Variants in NCAN observed in about 807,000 individuals in gnomAD.
NCAN encodes the protein neurocan core protein.
Under a neutral mutation model 121.8 loss-of-function variants are expected in NCAN, and 47 were observed. The observed-to-expected ratio is 0.39, with a 90% CI of 0.31 to 0.49. The LOEUF (loss-of-function observed/expected upper bound fraction) is 0.49, where lower values mean the gene tolerates loss of function less well. Ranked by LOEUF, NCAN falls within the 20% of genes least tolerant of loss-of-function variation. NCAN has a pLI of 0.92. For synonymous variants in NCAN, 633 were observed against 702.0 expected, an observed-to-expected ratio of 0.90 and a Z score of 1.55; for missense variants, 1,517 against 1,773.4, an observed-to-expected ratio of 0.86 and a Z score of 2.60.
chr19:19,235,075 G>A lies in NCAN; in HGVS notation c.3229G>A (p.Gly1077Arg). ...TGTCTGCCTTTGCCTCCCCAGCTAT[G>A]GGGGCAGCTTTTGTGAGAAAGGTGA... Reference protein sequence around the residue: ...GFVCLCLPSYGGSFCEKDTEG... With the variant: ...GFVCLCLPSYRGSFCEKDTEG... Residue 1077 changes from glycine (G) to arginine (R), a missense_variant, in exon 10 of 15, where the codon GGG (glycine) becomes AGG (arginine). Gly to Arg is a moderately radical substitution (Grantham distance 125). Coordinates refer to ENST00000252575, the MANE Select transcript of NCAN (RefSeq NM_004386.3). The A allele has an allele frequency of 1.2e-6, 2 of 1,612,090 alleles. No individual in the cohort carries two copies. The highest frequency in any genetic ancestry group is 2.2e-5 in the East Asian group (1 of 44,846).
chr19:19,228,672 C>G lies in NCAN; in HGVS notation c.3019+33C>G, dbSNP rs750364056. The G allele has an allele frequency of 3.2e-6, 5 of 1,570,428 alleles. No individual in the cohort carries two copies. The Admixed American group carries it at 6.9e-5, about 22-fold the overall frequency. On this transcript the variant is annotated intron_variant, in intron 8 of 14. Transcript: ENST00000252575. ...CAAAGTCCCGGGGCTCTGTCCAGCT[C>G]TCCATGGTCAGGGCTTGGGGAGCAG...
intron 11 of NCAN, among the ~76,000 whole-genome samples, chr19:19,239,271 T>G (rs1008362480): frequency 6.6e-6 from 1 of 151,266 alleles, no homozygotes; most frequent in Non-Finnish European, 1.5e-5. Flanking sequence ...GTAGCCAGAG[T>G]CCCCACTTGT....
intron 13 of NCAN, among the ~76,000 whole-genome samples, chr19:19,247,929 C>T (rs1191793723): frequency 2.0e-5 from 3 of 152,040 alleles, no homozygotes; most frequent in African/African-American, 7.2e-5. Flanking sequence ...TAAAACTCAG[C>T]TTGAGCCCAT....
intron 5 of NCAN, 65 bp downstream of exon 5, chr19:19,224,498 A>C (rs2238673): frequency 1.3e-6 from 2 of 1,557,728 alleles, no homozygotes; most frequent in African/African-American, 1.4e-5. Flanking sequence ...ATTCTCCCCA[A>C]CTCCCATCCT....
chr19:19,240,064 C>T (rs1384992747), intron 11 of NCAN, among the ~76,000 whole-genome samples: 1 of 119,042 alleles, frequency 8.4e-6, no homozygotes, highest in Non-Finnish European at 1.8e-5. Flanking sequence ...CTCCCATTCC[C>T]CCCTCCTCCC....
chr19:19,232,356 C>T (rs2060863243), intron 8 of NCAN, among the ~76,000 whole-genome samples: 1 of 152,230 alleles, frequency 6.6e-6, no homozygotes. Context: ...ACCGCCAGTC[C>T]GTGGGCAGGT....
At chr19:19,241,554 G>C (rs1429551316) in intron 12 of NCAN, among the ~76,000 whole-genome samples, 2 of 151,866 alleles carry the variant, frequency 1.3e-5, no homozygotes, top group Non-Finnish European at 2.9e-5. Context: ...GTTAAACATA[G>C]AAGCTGGGCA....
intron 12 of NCAN, among the ~76,000 whole-genome samples, chr19:19,243,572 T>C (rs2060912173): frequency 1.3e-5 from 2 of 149,206 alleles, no homozygotes; most frequent in Non-Finnish European, 3.0e-5. Flanking sequence ...ATGATGGTTA[T>C]GCAACATTGT....
intron 3 of NCAN, among the ~76,000 whole-genome samples, chr19:19,221,345 A>G (rs556931310): frequency 9.9e-5 from 15 of 152,042 alleles, no homozygotes; most frequent in African/African-American, 3.1e-4. Context: ...CGAGACCAGC[A>G]GATCATGAGG....
intron 2 of NCAN, among the ~76,000 whole-genome samples, chr19:19,217,744 T>C (rs151052459): frequency 0.028 from 4,250 of 152,278 alleles, 199 homozygotes; most frequent in African/African-American, 0.097. Context: ...TCTAGCACTT[T>C]GGGAGGCTGA....
intron 6 of NCAN, among the ~76,000 whole-genome samples, chr19:19,226,239 T>C (rs1054732884): frequency 2.0e-5 from 3 of 152,138 alleles, no homozygotes; most frequent in Non-Finnish European, 2.9e-5. Context: ...CCAAATTCTC[T>C]TGAGTCCTCA....
intron 12 of NCAN, among the ~76,000 whole-genome samples, chr19:19,242,720 A>C (rs1275449049): frequency 6.6e-6 from 1 of 152,216 alleles, no homozygotes; most frequent in Admixed American, 6.5e-5. Context: ...AAACTTGTAC[A>C]TGAATGTTCA....
At chr19:19,240,801 C>A in intron 12 of NCAN, 116 bp downstream of exon 12, 1 of 976,206 alleles carries the variant, frequency 1.0e-6, no homozygotes, top group Non-Finnish European at 1.6e-6. Flanking sequence ...TCTCTAGTGG[C>A]TCCAAGATGC....
In NCAN at chr19:19,227,744, T is replaced by C; in HGVS notation, c.2124T>C (p.Thr708=). 3 of 1,613,758 alleles carry C rather than the reference T, an allele frequency of 1.9e-6. No homozygotes were observed. Among genetic ancestry groups the C allele is most frequent in the Non-Finnish European group, 2.5e-6 (3 of 1,180,002 alleles). The change falls in exon 8 of 15, where the codon ACT becomes ACC. Residue 708 remains threonine, a synonymous_variant. Transcript: ENST00000252575. The surrounding 1 kb of genome is among the most constrained non-coding windows in gnomAD (Gnocchi z 4.2). ...PESPRADFRE[T]GETSPAQVNK... ...CCCCCAGGGCAGACTTCAGAGAAACTGGGGAGACCAGCCCTGCTCAGGTCA... is the reference window on the plus strand; with the variant it reads ...CCCCCAGGGCAGACTTCAGAGAAACCGGGGAGACCAGCCCTGCTCAGGTCA...
Position 19,226,943 on chromosome 19 carries a change from C to T in NCAN, c.1530C>T (p.Pro510=), listed in dbSNP as rs764172245. 4 of 1,576,400 alleles carry T rather than the reference C, an allele frequency of 2.5e-6. No individual in the cohort carries two copies. The highest frequency in any genetic ancestry group is 2.6e-6 in the Non-Finnish European group (3 of 1,160,754). Residue 510 remains proline (P), a synonymous_variant, in exon 7 of 15, where the codon CCC becomes CCT. Coordinates refer to ENST00000252575, the MANE Select transcript of NCAN (RefSeq NM_004386.3). ...LQGGMEASAQ[P]PTSEAAVNQM... ...GGGGGATGGAGGCCAGCGCCCAGCC[C>T]CCCACCTCAGAGGCTGCAGTGAACC...
intron 3 of NCAN, among the ~76,000 whole-genome samples, chr19:19,223,617 C>T (rs374859055): frequency 5.9e-5 from 9 of 152,076 alleles, no homozygotes; most frequent in Non-Finnish European, 1.2e-4. Flanking sequence ...GGATTACAGA[C>T]GCATGCCACC....
Position 19,212,422 on chromosome 19 carries a change from T to C in NCAN, c.-8+358T>C, listed in dbSNP as rs1199544805. 2.0e-5 allele frequency among the ~76,000 whole-genome samples: 3 copies of C among 151,870 alleles called. No homozygotes were observed. The highest frequency in any genetic ancestry group is 1.9e-4 in the East Asian group (1 of 5,132). Reference sequence around the variant, plus strand: ...AAGAAGAGGACACCCAGATGCCGAATGGGGGACTCTGGAACAGGGCACCCC... The same window carrying C: ...AAGAAGAGGACACCCAGATGCCGAACGGGGGACTCTGGAACAGGGCACCCC... On this transcript the variant is annotated intron_variant, in intron 1 of 14. Transcript: ENST00000252575. This position sits in a 1 kb window ranked among gnomAD's most constrained non-coding sequence, Gnocchi z 4.5.
At chr19:19,226,414 TG>T in intron 6 of NCAN, 71 bp from the exon 7 acceptor site, 1 of 1,156,088 alleles carries the variant, frequency 8.6e-7, no homozygotes, top group Non-Finnish European at 1.2e-6. Context: ...TGCTGGAAAG[TG>T]GGTAGACTTC....
intron 8 of NCAN, among the ~76,000 whole-genome samples, chr19:19,232,316 A>T (rs1259543814): frequency 2.6e-5 from 4 of 152,256 alleles, no homozygotes; most frequent in Non-Finnish European, 5.9e-5. Flanking sequence ...GAAGCCAAAA[A>T]TAAATGCAGT....
Sources: gnomAD v4.1 joint callset for allele counts (sites outside exome capture counted in the v4.1 genomes callset) on GRCh38, gnomAD v4.1.1 for gene constraint, Gnocchi (gnomAD v3.1) non-coding constraint, MANE v1.5 for transcripts, NCBI Gene and HGNC (gene_info 2026-07-23, HGNC 2026-07-21) for gene names.